The following HLCS variants were observed in gnomAD, a reference collection of about 807,000 sequenced individuals.
The protein encoded by HLCS is biotin--protein ligase.
HLCS carries 53 observed loss-of-function variants against 75.0 expected under a neutral mutation model. That is an observed-to-expected ratio of 0.71 (90% CI 0.57 to 0.89). The LOEUF (loss-of-function observed/expected upper bound fraction) is 0.89. HLCS is among the 40% of genes least tolerant of loss of function. HLCS has a pLI of 0.00. For missense variants in HLCS, 966 were observed against 1,074.0 expected (o/e 0.90, Z 1.41); for synonymous variants, 431 against 428.6 (o/e 1.01, Z -0.07).
intron 6 of HLCS, among the ~76,000 whole-genome samples, chr21:36,795,714 C>T (rs562041688): frequency 6.6e-6 from 1 of 152,352 alleles, no homozygotes; most frequent in East Asian, 1.9e-4. Flanking sequence ...TAAGTTATTA[C>T]TAACTGTGGA....
chr21:36,769,242 C>G (rs972352200), intron 6 of HLCS, among the ~76,000 whole-genome samples: 3 of 152,192 alleles, frequency 2.0e-5, no homozygotes, highest in African/African-American at 7.2e-5. Context: ...AGAGGAAATT[C>G]TGCAAGGAGG....
At chr21:36,915,448 G>T (rs961943678) in intron 5 of HLCS, among the ~76,000 whole-genome samples, 2 of 152,140 alleles carry the variant, frequency 1.3e-5, no homozygotes, top group African/African-American at 4.8e-5. Flanking sequence ...GGTCCAACTG[G>T]CTGTCACCAT....
chr21:36,887,532 G>A (rs1264193828), intron 6 of HLCS, among the ~76,000 whole-genome samples: 1 of 152,224 alleles, frequency 6.6e-6, no homozygotes, highest in Non-Finnish European at 1.5e-5. Flanking sequence ...AGCTTGGCAT[G>A]TGAAAGGTTA....
At position 36,944,871 on chromosome 21, in the gene HLCS, C is replaced by T. The variant is rs558188954; in HGVS notation, c.331-5877G>A. ...GGCACGGTGGCTCACGCCTGTAATC[C>T]TAACACTTTGGGAGGCTGAGGCGGG... On this transcript the variant is annotated intron_variant, in intron 2 of 10. Transcript: ENST00000674895. Among the ~76,000 whole-genome samples the T allele has an allele frequency of 6.6e-5, 10 of 152,216 alleles. No homozygotes were observed. In the South Asian group the frequency reaches 2.1e-3, roughly 32 times the overall value.
chr21:36,770,987 A>G (rs1160655931), intron 6 of HLCS, among the ~76,000 whole-genome samples: 2 of 152,150 alleles, frequency 1.3e-5, no homozygotes, highest in Non-Finnish European at 2.9e-5. Context: ...TGCGAGGCCG[A>G]GGCAGGCGGA....
chr21:36,756,143 A>C (rs1400226273), intron 10 of HLCS, among the ~76,000 whole-genome samples: 1 of 152,116 alleles, frequency 6.6e-6, no homozygotes, highest in Non-Finnish European at 1.5e-5. Flanking sequence ...CCTCATTTTA[A>C]GATACTGAAC....
chr21:36,902,441 A>T (rs2065274812), intron 5 of HLCS, among the ~76,000 whole-genome samples: 1 of 152,144 alleles, frequency 6.6e-6, no homozygotes, highest in Non-Finnish European at 1.5e-5. Flanking sequence ...CTCTGCGGAC[A>T]CCTGGTCTTA....
At chr21:36,901,981 G>A (rs539871336) in intron 5 of HLCS, among the ~76,000 whole-genome samples, 9 of 152,292 alleles carry the variant, frequency 5.9e-5, no homozygotes, top group African/African-American at 2.2e-4. Flanking sequence ...AGCAGTGGGG[G>A]GCGGTGGTTG....
intron 6 of HLCS, among the ~76,000 whole-genome samples, chr21:36,846,567 T>A (rs1222097276): frequency 1.3e-5 from 2 of 152,058 alleles, no homozygotes; most frequent in Admixed American, 6.6e-5. Context: ...AAACAAAGAG[T>A]GGATAATGAA....
At position 36,936,643 on chromosome 21, in the gene HLCS, G is replaced by C; in HGVS notation, c.1243C>G (p.Gln415Glu). 6.2e-7 allele frequency: 1 copy of C among 1,614,180 alleles called. No individual in the cohort carries two copies. Among genetic ancestry groups the C allele is most frequent in the Non-Finnish European group, 8.5e-7 (1 of 1,180,044 alleles). Reference protein sequence around the residue: ...TSKGALHKTVQNLVFSKADQS... With the variant: ...TSKGALHKTVENLVFSKADQS... ...TCAGCCTTGGAGAAAACCAAGTTCT[G>C]GACTGTCTTGTGCAGTGCACCCTTG... Residue 415 changes from glutamine to glutamate, a missense_variant, in exon 4 of 11, where the codon CAG becomes GAG. By Grantham distance (29) the Gln-to-Glu change is conservative. Transcript: ENST00000674895.
upstream of HLCS, among the ~76,000 whole-genome samples, chr21:36,967,080 G>T (rs1347520994): frequency 1.3e-5 from 2 of 152,012 alleles, no homozygotes; most frequent in African/African-American, 2.4e-5. Flanking sequence ...TTTAAGCCAA[G>T]TCCGGCCTCC....
Position 36,966,425 on chromosome 21 carries a change from G to GGCGCCCC in HLCS, c.195+18_195+19insGGGGCGC. 1.5e-5 allele frequency: 3 copies of GGCGCCCC among 195,438 alleles called. No homozygotes were observed. Among genetic ancestry groups the GGCGCCCC allele is most frequent in the Non-Finnish European group, 2.6e-5 (3 of 116,690 alleles). 12.1% of individuals were successfully genotyped at this position (195,438 alleles called of 1,614,324 possible). Reference sequence around the variant, plus strand: ...CCGGCTCGCGGGGCCCGGGTCGCCCGCCCGCCCGACCCGCCCACCTGGCTG... The same window carrying GGCGCCCC: ...CCGGCTCGCGGGGCCCGGGTCGCCCGGCGCCCCCCCGCCCGACCCGCCCACCTGGCTG... On this transcript the variant is annotated intron_variant, in intron 1 of 10. Coordinates refer to ENST00000674895, the MANE Select transcript of HLCS (RefSeq NM_001352514.2).
Position 36,781,219 on chromosome 21 carries a change from T to C in HLCS, c.1893-13934A>G, listed in dbSNP as rs575898693. On this transcript the variant is annotated intron_variant, in intron 6 of 10. Coordinates refer to ENST00000674895, the MANE Select transcript of HLCS (RefSeq NM_001352514.2). Reference sequence around the variant, plus strand: ...TTGCAGTGAGCTGAGATCATGCCATTGCACTCCAGCCTAGACAACAGGAGC... The same window carrying C: ...TTGCAGTGAGCTGAGATCATGCCATCGCACTCCAGCCTAGACAACAGGAGC... Among the ~76,000 whole-genome samples, 17 of 148,774 alleles carry C rather than the reference T, an allele frequency of 1.1e-4. No homozygotes were observed. In the East Asian group the frequency reaches 2.4e-3, roughly 21 times the overall value.
intron 6 of HLCS, among the ~76,000 whole-genome samples, chr21:36,824,959 C>T (rs1019835855): frequency 1.3e-5 from 2 of 152,158 alleles, no homozygotes; most frequent in Non-Finnish European, 2.9e-5. Context: ...CACTTGCGAC[C>T]TTGTTTCTTG....
In HLCS at chr21:36,759,704, G is replaced by A. The variant is rs574447499; in HGVS notation, c.2236+23C>T. The stretch of plus-strand genomic sequence containing the variant: ...TTGTTTTATTAATCTAAAAATGCTG[G>A]GGGAAAGGTTTTTGAAACTTACCAA... On this transcript the variant is annotated intron_variant, in intron 9 of 10. Transcript: ENST00000674895. The A allele has an allele frequency of 5.3e-6, 7 of 1,313,110 alleles. No individual in the cohort carries two copies. In the African/African-American group the frequency reaches 7.2e-5, roughly 14 times the overall value. The allele number at this position is 1,313,110 out of a possible 1,614,324, so 81.3% of individuals were successfully genotyped here.
intron 6 of HLCS, among the ~76,000 whole-genome samples, chr21:36,865,161 C>T (rs1476813400): frequency 6.6e-6 from 1 of 151,790 alleles, no homozygotes; most frequent in Non-Finnish European, 1.5e-5. Context: ...GCTGATACCC[C>T]CACCACTGAC....
At chr21:36,902,666 G>C (rs1204145511) in intron 5 of HLCS, among the ~76,000 whole-genome samples, 1 of 152,184 alleles carries the variant, frequency 6.6e-6, no homozygotes, top group African/African-American at 2.4e-5. Context: ...AAAGAAGGAA[G>C]GAGGTGTTGA....
rs1176255584 is a variant in HLCS at position 36,796,668 on chromosome 21, A to G, written c.1893-29383T>C. On this transcript the variant is annotated intron_variant, in intron 6 of 10. Transcript: ENST00000674895. ...TCTACCAAACATTATCGGGGCCACT[A>G]ACAAAGAAGGAAGAAAAACTACTTT... 1.8e-4 allele frequency among the ~76,000 whole-genome samples: 27 copies of G among 152,180 alleles called. 1 individual carries two copies. Among genetic ancestry groups the G allele is most frequent in the Admixed American group, 1.8e-3 (27 of 15,284 alleles).
intron 5 of HLCS, among the ~76,000 whole-genome samples, chr21:36,900,060 G>A (rs1211391005): frequency 1.3e-5 from 2 of 152,044 alleles, no homozygotes; most frequent in Non-Finnish European, 2.9e-5. Flanking sequence ...AGCCAAGATT[G>A]CGCCACTGCA....
Sources: allele counts gnomAD v4.1 joint callset (sites outside exome capture counted in the v4.1 genomes callset), GRCh38; gene constraint gnomAD v4.1.1; transcripts MANE v1.5; gene names NCBI Gene and HGNC (gene_info 2026-07-23, HGNC 2026-07-21).